CSMD1: variants seen among roughly 807,000 people sequenced by gnomAD.
The protein encoded by CSMD1 is CUB and sushi domain-containing protein 1.
CSMD1 carries 213 observed loss-of-function variants against 417.5 expected under a neutral mutation model. The observed-to-expected ratio is 0.51, with a 90% confidence interval of 0.46 to 0.57. The LOEUF (loss-of-function observed/expected upper bound fraction) is 0.57, where lower values mean the gene tolerates loss of function less well. Among genes scored for constraint, CSMD1 ranks in the 20% least tolerant of loss-of-function variants. The pLI is 0.00. For synonymous variants in CSMD1, 2,862 were observed against 1,736.8 expected (o/e 1.65, Z -16.11); for missense variants, 6,923 against 4,529.7 (o/e 1.53, Z -15.17).
chr8:3,896,003 C>T (rs1042049656), intron 5 of CSMD1, among the ~76,000 whole-genome samples: 3 of 152,186 alleles, frequency 2.0e-5, no homozygotes, highest in African/African-American at 7.2e-5. Flanking sequence ...TCATTCAGTG[C>T]AGTGTGGTTT....
intron 5 of CSMD1, among the ~76,000 whole-genome samples, chr8:3,760,497 C>T (rs374480352): frequency 6.6e-5 from 10 of 152,284 alleles, no homozygotes; most frequent in African/African-American, 2.4e-4. Context: ...TTATAACATA[C>T]TCCTACTCAT....
chr8:4,525,979 G>T (rs377560716), intron 2 of CSMD1, among the ~76,000 whole-genome samples: 2 of 152,056 alleles, frequency 1.3e-5, no homozygotes, highest in Non-Finnish European at 2.9e-5. Context: ...GCCTTTGCCC[G>T]TTGCTTCCAG....
intron 5 of CSMD1, among the ~76,000 whole-genome samples, chr8:3,756,991 G>C (rs75830515): frequency 3.3e-5 from 5 of 151,972 alleles, no homozygotes; most frequent in Admixed American, 6.6e-5. Context: ...TGTAGAGACT[G>C]GGGGTCTCAC....
Position 4,295,761 on chromosome 8 carries a change from TATATATATATATATATATATATATATAC to T in CSMD1, c.415+124164_415+124191del, listed in dbSNP as rs1359209453. On this transcript the variant is annotated intron_variant, in intron 3 of 69. Transcript: ENST00000635120. ...GTATATGTGTGTGTGTATATATATA[TATATATATATATATATATATATATATAC>T]ACACACACATCTTGAGAGAAAATTT... Among the ~76,000 whole-genome samples, 20 of 25,698 alleles carry T rather than the reference TATATATATATATATATATATATATATAC, an allele frequency of 7.8e-4. No individual in the cohort carries two copies. The East Asian group carries it at 0.11, about 143-fold the overall frequency. The allele number at this position is 25,698 out of a possible 152,430, so 16.9% of individuals were successfully genotyped here. A position where few individuals can be genotyped will look rare whatever the true frequency, so the allele number is the denominator to read the frequency against.
At chr8:4,068,838 G>A (rs924801278) in intron 3 of CSMD1, among the ~76,000 whole-genome samples, 1 of 152,124 alleles carries the variant, frequency 6.6e-6, no homozygotes, top group Non-Finnish European at 1.5e-5. Flanking sequence ...TTCATGTACT[G>A]TATCAAAATG....
chr8:4,680,458 G>A (rs148259807), intron 1 of CSMD1, among the ~76,000 whole-genome samples: 33 of 152,190 alleles, frequency 2.2e-4, no homozygotes, highest in African/African-American at 7.2e-4. Context: ...TCTCATCATC[G>A]TACCTTCACA....
intron 52 of CSMD1, among the ~76,000 whole-genome samples, chr8:3,014,735 A>C (rs1808693181): frequency 6.6e-6 from 1 of 152,164 alleles, no homozygotes; most frequent in African/African-American, 2.4e-5. Flanking sequence ...CAATTTAGGA[A>C]GACCCTGTAC....
At chr8:3,586,792 T>TTTTC (rs1800620786) in intron 8 of CSMD1, among the ~76,000 whole-genome samples, 1 of 152,176 alleles carries the variant, frequency 6.6e-6, no homozygotes, top group African/African-American at 2.4e-5. Flanking sequence ...TTTACTTTTC[T>TTTTC]TTTGTTTGTT....
At chr8:3,729,285 G>A (rs1289419330) in intron 6 of CSMD1, among the ~76,000 whole-genome samples, 1 of 152,128 alleles carries the variant, frequency 6.6e-6, no homozygotes, top group African/African-American at 2.4e-5. Context: ...TCACCTCCTG[G>A]CACAGGGCTC....
chr8:3,668,544 C>T (rs1798823165), intron 7 of CSMD1, among the ~76,000 whole-genome samples: 1 of 152,078 alleles, frequency 6.6e-6, no homozygotes, highest in Admixed American at 6.6e-5. Flanking sequence ...CTATTCCTTA[C>T]CACAGGTAAT....
chr8:4,466,297 G>C (rs1010100481), intron 2 of CSMD1, among the ~76,000 whole-genome samples: 1 of 152,066 alleles, frequency 6.6e-6, no homozygotes, highest in African/African-American at 2.4e-5. Context: ...AAACAGAGGA[G>C]GAGGAGGAGA....
intron 1 of CSMD1, among the ~76,000 whole-genome samples, chr8:4,913,032 A>G (rs984276026): frequency 3.9e-5 from 6 of 152,148 alleles, no homozygotes; most frequent in Admixed American, 3.9e-4. Flanking sequence ...CAAGTGATCC[A>G]CCTGCCTCGG....
intron 7 of CSMD1, among the ~76,000 whole-genome samples, chr8:3,648,747 C>T (rs1414588533): frequency 6.6e-6 from 1 of 152,118 alleles, no homozygotes; most frequent in African/African-American, 2.4e-5. Context: ...TGTCTGTGCA[C>T]CTGAGACATA....
intron 37 of CSMD1, among the ~76,000 whole-genome samples, chr8:3,178,929 C>G (rs1003704468): frequency 6.6e-6 from 1 of 150,608 alleles, no homozygotes; most frequent in Admixed American, 6.6e-5. Flanking sequence ...TCTACAAATA[C>G]TTTCTATAAT....
intron 5 of CSMD1, among the ~76,000 whole-genome samples, chr8:3,996,096 C>A (rs1041967333): frequency 1.3e-5 from 2 of 152,190 alleles, no homozygotes; most frequent in Non-Finnish European, 2.9e-5. Context: ...CACTCATGAT[C>A]TGTATTTTCT....
chr8:4,387,561 C>T (rs1167691360), intron 3 of CSMD1, among the ~76,000 whole-genome samples: 1 of 16,286 alleles, frequency 6.1e-5, no homozygotes, highest in African/African-American at 1.4e-4. Context: ...ATGCATAAAT[C>T]CAAACTGGCA....
chr8:4,263,859 T>C (rs892670008), intron 3 of CSMD1, among the ~76,000 whole-genome samples: 2 of 152,188 alleles, frequency 1.3e-5, no homozygotes. Flanking sequence ...CATTAACTTA[T>C]TTGTGTTTTG....
chr8:3,470,015 GCA>G (rs1243324725), intron 11 of CSMD1, among the ~76,000 whole-genome samples: 3 of 152,036 alleles, frequency 2.0e-5, no homozygotes, highest in Non-Finnish European at 4.4e-5. Context: ...GCCAAAAAGC[GCA>G]CAGATCGTGA....
rs57601273 is a variant in CSMD1, at chr8:4,843,839, A to G, written c.85+150493T>C. On this transcript the variant is annotated intron_variant, in intron 1 of 69. Coordinates refer to ENST00000635120, the MANE Select transcript of CSMD1 (RefSeq NM_033225.6). ...AATCAGTGGAAGCACAGGAGAGCTGAACCCTGAATTTGGAGTCAACCGCAA... is the reference window on the plus strand; with the variant it reads ...AATCAGTGGAAGCACAGGAGAGCTGGACCCTGAATTTGGAGTCAACCGCAA... Among the ~76,000 whole-genome samples, 499 of 152,334 alleles carry G rather than the reference A, an allele frequency of 3.3e-3. 1 individual carries two copies. Among genetic ancestry groups the G allele is most frequent in the African/African-American group, 0.012 (479 of 41,580 alleles).
Sources: gnomAD v4.1 joint callset for allele counts (sites outside exome capture counted in the v4.1 genomes callset) on GRCh38, gnomAD v4.1.1 for gene constraint, MANE v1.5 for transcripts, NCBI Gene and HGNC (gene_info 2026-07-23, HGNC 2026-07-21) for gene names.